Variants in DNAAF5 observed in about 807,000 individuals in gnomAD.
The protein encoded by DNAAF5 is dynein axonemal assembly factor 5.
Under a neutral mutation model 75.8 loss-of-function variants are expected in DNAAF5, and 64 were observed. The ratio of observed to expected loss-of-function variants is 0.84; its 90% confidence interval spans 0.69 to 1.04. The LOEUF (loss-of-function observed/expected upper bound fraction) is 1.04. Ranked by LOEUF, DNAAF5 falls within the 50% of genes least tolerant of loss-of-function variation. The probability of loss-of-function intolerance (pLI) is 0.00; values close to 1 mark genes in which losing one functional copy is unlikely to be tolerated. For synonymous variants in DNAAF5, 657 were observed against 557.2 expected, an observed-to-expected ratio of 1.18 and a Z score of -2.52; for missense variants, 1,269 against 1,178.5, an observed-to-expected ratio of 1.08 and a Z score of -1.12.
intron 11 of DNAAF5, among the ~76,000 whole-genome samples, chr7:777,377 T>C (rs1040640202): frequency 7.9e-5 from 12 of 152,290 alleles, no homozygotes; most frequent in Admixed American, 7.8e-4. Flanking sequence ...AAGTTACCTT[T>C]ATTGAGGCGT....
Position 741,352 on chromosome 7 carries a change from T to C in DNAAF5, c.911T>C (p.Leu304Pro). Reference protein sequence around the residue: ...LNDEVPEVRQLAASLWEDVGL... With the variant: ...LNDEVPEVRQPAASLWEDVGL... ...GTCTGTCTGTTGTGCCTCAGGCAGC[T>C]GGCTGCCAGCCTCTGGGAGGACGTT... The change falls in exon 4 of 13, where the codon CTG becomes CCG. Residue 304 changes from leucine (L) to proline (P), a missense_variant. By Grantham distance (98) the Leu-to-Pro change is moderately conservative. Coordinates refer to ENST00000297440, the MANE Select transcript of DNAAF5 (RefSeq NM_017802.4). 6.3e-7 allele frequency: 1 copy of C among 1,587,900 alleles called. No homozygotes were observed. The highest frequency in any genetic ancestry group is 8.6e-7 in the Non-Finnish European group (1 of 1,168,222).
chr7:782,141 G>C (rs185455407), intron 12 of DNAAF5, among the ~76,000 whole-genome samples: 1 of 152,210 alleles, frequency 6.6e-6, no homozygotes, highest in East Asian at 1.9e-4. Context: ...GTCGCGCAGC[G>C]TCAGAAACTC....
At chr7:774,975 G>T (rs34943122) in intron 10 of DNAAF5, 31 bp from the exon 11 acceptor site, 3 of 1,611,472 alleles carry the variant, frequency 1.9e-6, no homozygotes, top group Non-Finnish European at 2.5e-6. Context: ...GGACAGATGT[G>T]AGTCACGTCG....
At chr7:745,016 G>C (rs1383680992) in intron 4 of DNAAF5, among the ~76,000 whole-genome samples, 1 of 152,230 alleles carries the variant, frequency 6.6e-6, no homozygotes, top group Non-Finnish European at 1.5e-5. Context: ...CACGCGTGCT[G>C]TGGTGCTCTG....
intron 6 of DNAAF5, among the ~76,000 whole-genome samples, chr7:759,885 T>C (rs1244675498): frequency 6.6e-6 from 1 of 152,192 alleles, no homozygotes; most frequent in Non-Finnish European, 1.5e-5. Context: ...TCCTGAAATG[T>C]ACATGACAGG....
intron 4 of DNAAF5, among the ~76,000 whole-genome samples, chr7:752,309 G>A (rs1292824427): frequency 6.6e-6 from 1 of 151,998 alleles, no homozygotes; most frequent in Non-Finnish European, 1.5e-5. Context: ...TTGTGACAGT[G>A]GGCCGGGCCA....
chr7:732,434 G>A, intron 2 of DNAAF5: 1 of 434,186 alleles, frequency 2.3e-6, no homozygotes, highest in Non-Finnish European at 4.7e-6. Context: ...TTGTCGCCAG[G>A]CCTGCAGTCG....
At chr7:756,745 G>T (rs1387556113) in intron 5 of DNAAF5, 37 bp from the exon 6 acceptor site, 1 of 1,600,852 alleles carries the variant, frequency 6.2e-7, no homozygotes, top group Non-Finnish European at 8.5e-7. Flanking sequence ...AGACCCTCGG[G>T]TTTGGCTCTG....
At chr7:781,691 CTG>C (rs768172040) in intron 12 of DNAAF5, among the ~76,000 whole-genome samples, 1 of 152,208 alleles carries the variant, frequency 6.6e-6, no homozygotes, top group Non-Finnish European at 1.5e-5. Flanking sequence ...GCCATTTTAA[CTG>C]GGGTCAGAGG....
In DNAAF5 at chr7:780,104, C is replaced by T. The variant is rs911638357; in HGVS notation, c.2391C>T (p.His797=). 2 of 1,614,098 alleles carry T rather than the reference C, an allele frequency of 1.2e-6. No homozygotes were observed. Among genetic ancestry groups the T allele is most frequent in the African/African-American group, 2.7e-5 (2 of 74,938 alleles). Reference sequence around the variant, plus strand: ...ACCTGTACCGAGAGTTGCTGGTTCACCTTGACGATCCAGAGAGGGCCATCC... The same window carrying T: ...ACCTGTACCGAGAGTTGCTGGTTCATCTTGACGATCCAGAGAGGGCCATCC... ...VQYLYRELLV[H]LDDPERAIQD... The change falls in exon 12 of 13, where the codon CAC becomes CAT. Residue 797 remains histidine, a synonymous_variant. Transcript: ENST00000297440.
intron 8 of DNAAF5, 43 bp from the exon 9 acceptor site, chr7:770,428 T>TCTC (rs1778516940): frequency 6.3e-7 from 1 of 1,582,134 alleles, no homozygotes; most frequent in Non-Finnish European, 8.6e-7. Context: ...CCTCCTCCCG[T>TCTC]CTCCTGAGGG....
rs1778885977 is a variant in DNAAF5 at position 780,075 on chromosome 7, C to G, written c.2362C>G (p.Gln788Glu). 6.2e-7 allele frequency: 1 copy of G among 1,614,102 alleles called. No homozygotes were observed. Among genetic ancestry groups the G allele is most frequent in the African/African-American group, 1.3e-5 (1 of 74,952 alleles). The part of the protein sequence containing the change: ...NAKSYYQSSV[Q>E]YLYRELLVHL... Reference sequence around the variant, plus strand: ...AAAATCCTACTATCAGAGCAGTGTCCAGTACCTGTACCGAGAGTTGCTGGT... The same window carrying G: ...AAAATCCTACTATCAGAGCAGTGTCGAGTACCTGTACCGAGAGTTGCTGGT... The change falls in exon 12 of 13, where the codon CAG becomes GAG. Residue 788 changes from glutamine to glutamate, a missense_variant. Gln to Glu is a conservative substitution (Grantham distance 29, BLOSUM62 2). Coordinates refer to ENST00000297440, the MANE Select transcript of DNAAF5 (RefSeq NM_017802.4).
At chr7:730,450 G>A (rs1350737326) in intron 2 of DNAAF5, among the ~76,000 whole-genome samples, 29 of 152,192 alleles carry the variant, frequency 1.9e-4, no homozygotes, top group Admixed American at 1.9e-3. Context: ...TGAGTTACCT[G>A]TCATCGTAGT....
At chr7:738,416 C>A (rs931551641) in intron 2 of DNAAF5, among the ~76,000 whole-genome samples, 8 of 152,008 alleles carry the variant, frequency 5.3e-5, no homozygotes, top group African/African-American at 1.9e-4. Flanking sequence ...GATTGGTCAC[C>A]GGTGCCTTAT....
At chr7:765,587 T>A (rs1200966588) in intron 8 of DNAAF5, among the ~76,000 whole-genome samples, 2 of 152,082 alleles carry the variant, frequency 1.3e-5, no homozygotes, top group Non-Finnish European at 2.9e-5. Flanking sequence ...CGGAACTGAT[T>A]GGCAGCTTGG....
intron 4 of DNAAF5, among the ~76,000 whole-genome samples, chr7:748,859 G>A (rs765188389): frequency 1.3e-5 from 2 of 152,210 alleles, no homozygotes; most frequent in African/African-American, 2.4e-5. Context: ...TGCCGAGTGC[G>A]TGAACAGGCA....
chr7:761,949 A>G, intron 7 of DNAAF5, 53 bp downstream of exon 7: 1 of 1,527,056 alleles, frequency 6.5e-7, no homozygotes, highest in Admixed American at 2.0e-5. Context: ...CACAGCTGGA[A>G]GGCATCTCTA....
intron 6 of DNAAF5, among the ~76,000 whole-genome samples, chr7:758,843 C>T (rs933318111): frequency 6.6e-6 from 1 of 151,986 alleles, no homozygotes; most frequent in Non-Finnish European, 1.5e-5. Context: ...CCACCACACC[C>T]GGCTAATTTT....
At chr7:773,989 A>C in intron 9 of DNAAF5, 59 bp from the exon 10 acceptor site, 1 of 1,603,836 alleles carries the variant, frequency 6.2e-7, no homozygotes, top group Non-Finnish European at 8.5e-7. Context: ...CCTAGTCTGA[A>C]ACGTTTCTTC....
Sources: gnomAD v4.1 joint callset for allele counts (sites outside exome capture counted in the v4.1 genomes callset) on GRCh38, gnomAD v4.1.1 for gene constraint, MANE v1.5 for transcripts, NCBI Gene and HGNC (gene_info 2026-07-23, HGNC 2026-07-21) for gene names.